CUBN: variants seen among roughly 807,000 people sequenced by gnomAD.
The protein encoded by CUBN is 460 kDa receptor.
CUBN carries 282 observed loss-of-function variants against 405.3 expected under a neutral mutation model. That is an observed-to-expected ratio of 0.70 (90% confidence interval 0.63 to 0.77). The LOEUF (loss-of-function observed/expected upper bound fraction) is 0.77, where lower values mean the gene tolerates loss of function less well. Among genes scored for constraint, CUBN ranks in the 30% least tolerant of loss-of-function variants. CUBN has a pLI of 0.00. For missense variants in CUBN, 4,514 were observed against 4,475.2 expected (o/e 1.01, Z -0.25); for synonymous variants, 1,684 against 1,617.0 (o/e 1.04, Z -0.99).
At chr10:16,828,637 GA>G (rs760778803) in intron 66 of CUBN, among the ~76,000 whole-genome samples, 167 bp downstream of exon 66, 214 of 152,072 alleles carry the variant, frequency 1.4e-3, no homozygotes, top group Non-Finnish European at 2.6e-3. Flanking sequence ...AGAATTGCTT[GA>G]ACCCAGGAGG....
intron 59 of CUBN, among the ~76,000 whole-genome samples, chr10:16,853,691 G>A (rs545626614): frequency 1.1e-3 from 171 of 152,282 alleles, no homozygotes; most frequent in African/African-American, 4.0e-3. Context: ...ATTCTGAAAC[G>A]TAAGCAATAC....
At chr10:16,930,575 TA>T (rs1842334132) in intron 40 of CUBN, among the ~76,000 whole-genome samples, 2 of 152,214 alleles carry the variant, frequency 1.3e-5, no homozygotes, top group Admixed American at 1.3e-4. Flanking sequence ...CTTTTCTATT[TA>T]AAAGTTTTGC....
intron 56 of CUBN, among the ~76,000 whole-genome samples, chr10:16,881,239 G>C (rs565462696): frequency 3.3e-5 from 5 of 152,292 alleles, no homozygotes; most frequent in Non-Finnish European, 7.4e-5. Flanking sequence ...GCATGTGTTA[G>C]GTATTAAAGA....
Position 16,869,739 on chromosome 10 carries a change from G to A in CUBN, c.9351C>T (p.Arg3117=). The change falls in exon 59 of 67, where the codon CGC becomes CGT. Residue 3117 remains arginine (R), a synonymous_variant. Transcript: ENST00000377833. ...PLLGKFCGSK[R]PPNVKSSNNS... is the part of the protein sequence containing the mutation. ...TATTGCTGCTCTTCACATTTGGTGG[G>A]CGCTTGGAACCGCAGAATTTGCCAA... 6.2e-7 allele frequency: 1 copy of A among 1,614,034 alleles called. No homozygotes were observed. The highest frequency in any genetic ancestry group is 8.5e-7 in the Non-Finnish European group (1 of 1,179,980).
intron 6 of CUBN, among the ~76,000 whole-genome samples, chr10:17,116,649 A>T (rs1836907772): frequency 6.6e-6 from 1 of 152,220 alleles, no homozygotes. Flanking sequence ...AGTAATGTTC[A>T]TGGATGACAA....
rs376017190 is a variant in CUBN, at chr10:16,912,975, AT to A, written c.7533+835del. 3.7e-3 allele frequency among the ~76,000 whole-genome samples: 558 copies of A among 152,340 alleles called. 2 individuals are homozygous for A. The highest frequency in any genetic ancestry group is 6.1e-3 in the Non-Finnish European group (414 of 68,028). Reference sequence around the variant, plus strand: ...GGGGGACGAGGTGGAACTTTCTAAAATAATCCAAGTGAACGGTGGGGGTATT... The same window carrying A: ...GGGGGACGAGGTGGAACTTTCTAAAAAATCCAAGTGAACGGTGGGGGTATT... On this transcript the variant is annotated intron_variant, in intron 48 of 66. Coordinates refer to ENST00000377833, the MANE Select transcript of CUBN (RefSeq NM_001081.4).
At position 16,899,315 on chromosome 10, in the gene CUBN, G is replaced by A. The variant is rs553829659; in HGVS notation, c.8411-132C>T. 75 of 748,570 alleles carry A rather than the reference G, an allele frequency of 1.0e-4. No homozygotes were observed. The South Asian group carries it at 1.1e-3, about 11-fold the overall frequency. The allele number at this position is 748,570 out of a possible 1,614,324, so 46.4% of individuals were successfully genotyped here. A position where few individuals can be genotyped will look rare whatever the true frequency, so the allele number is the denominator to read the frequency against. ...ATTTTTTACAAGTGATCATCTTCCA[G>A]TCAGGTGCACAGCAAGCTCTCTCCA... On this transcript the variant is annotated intron_variant, in intron 53 of 66. Coordinates refer to ENST00000377833, the MANE Select transcript of CUBN (RefSeq NM_001081.4).
intron 54 of CUBN, among the ~76,000 whole-genome samples, chr10:16,895,973 T>C (rs1841171022): frequency 6.6e-6 from 1 of 152,182 alleles, no homozygotes; most frequent in Non-Finnish European, 1.5e-5. Flanking sequence ...ATCTTGGGGA[T>C]TCCATTTTGA....
Position 16,922,847 on chromosome 10 carries a change from CT to C in CUBN, c.6646+2393del, listed in dbSNP as rs74700842. On this transcript the variant is annotated intron_variant, in intron 43 of 66. Transcript: ENST00000377833. ...CACTTATTATACCATATACCATGTT[CT>C]TTTTTTTTTTTTTTCCTTTGAGACA... Among the ~76,000 whole-genome samples, 890 of 140,032 alleles carry C rather than the reference CT, an allele frequency of 6.4e-3. 11 individuals carry two copies. The highest frequency in any genetic ancestry group is 0.055 in the East Asian group (265 of 4,834). 91.9% of individuals were successfully genotyped at this position (140,032 alleles called of 152,430 possible).
rs1840288988 is a variant in CUBN at position 16,869,563 on chromosome 10, G to GC, written c.9454+72_9454+73insG. ...AATCATAATCAGGTGGGGGTGGGGG[G>GC]GGGGCGGGGAAATTAAATAAAGCAG... On this transcript the variant is annotated intron_variant, in intron 59 of 66. Coordinates refer to ENST00000377833, the MANE Select transcript of CUBN (RefSeq NM_001081.4). The GC allele has an allele frequency of 8.2e-6, 8 of 979,450 alleles. No individual in the cohort carries two copies. The East Asian group carries it at 2.0e-4, about 25-fold the overall frequency. The allele number at this position is 979,450 out of a possible 1,614,324, so 60.7% of individuals were successfully genotyped here. A position where few individuals can be genotyped will look rare whatever the true frequency, so the allele number is the denominator to read the frequency against.
At chr10:17,127,264 CTTTT>C (rs34414528) in intron 3 of CUBN, among the ~76,000 whole-genome samples, 1 of 82,834 alleles carries the variant, frequency 1.2e-5, no homozygotes, top group African/African-American at 5.4e-5. Flanking sequence ...CTCTCTCTTT[CTTTT>C]TTTTTTTTTT....
chr10:16,954,935 C>G (rs994380118), intron 31 of CUBN, among the ~76,000 whole-genome samples: 5 of 152,148 alleles, frequency 3.3e-5, no homozygotes, highest in African/African-American at 1.2e-4. Context: ...GAGTGATGAG[C>G]ATTTGTTGTC....
rs149424617 is a variant in CUBN at position 16,882,611 on chromosome 10, G to C, written c.8906-5514C>G. 6.1e-3 allele frequency among the ~76,000 whole-genome samples: 933 copies of C among 152,306 alleles called. 4 individuals are homozygous for C. Among genetic ancestry groups the C allele is most frequent in the African/African-American group, 0.021 (877 of 41,548 alleles). ...TGGACCACAGTTTTTCTCCAAAGTG[G>C]GGGGAGGGCGTGGGCCGAGACACCA... On this transcript the variant is annotated intron_variant, in intron 56 of 66. Transcript: ENST00000377833.
At chr10:16,886,113 A>G (rs1840805820) in intron 56 of CUBN, among the ~76,000 whole-genome samples, 1 of 152,228 alleles carries the variant, frequency 6.6e-6, no homozygotes. Flanking sequence ...CAAATGCTGA[A>G]AAGATGACAC....
chr10:16,899,107 G>T lies in CUBN; in HGVS notation c.8487C>A (p.Ser2829Arg). 6.2e-7 allele frequency: 1 copy of T among 1,613,490 alleles called. No homozygotes were observed. Among genetic ancestry groups the T allele is most frequent in the Non-Finnish European group, 8.5e-7 (1 of 1,179,414 alleles). The change falls in exon 54 of 67, where the codon AGC becomes AGA. Residue 2829 changes from serine to arginine, a missense_variant. This residue lies in a region of CUBN where 1,186 missense variants were observed against 1,186.9 expected (regional missense o/e 1.00). Coordinates refer to ENST00000377833, the MANE Select transcript of CUBN (RefSeq NM_001081.4). ...GAGTAATGGCCGTCCAGGAACATCT[G>T]CTGTTTTCGGGAAAATTCTGAGGCC... ...PHWPQNFPEN[S>R]RCSWTAITHK...
intron 33 of CUBN, among the ~76,000 whole-genome samples, chr10:16,951,714 C>G (rs1055732776): frequency 1.3e-5 from 2 of 152,278 alleles, no homozygotes; most frequent in African/African-American, 4.8e-5. Context: ...AGAAAGTAAG[C>G]GTTTATTCAA....
At chr10:17,000,040 G>A (rs865915260) in intron 28 of CUBN, among the ~76,000 whole-genome samples, 1 of 152,328 alleles carries the variant, frequency 6.6e-6, no homozygotes, top group Middle Eastern at 3.4e-3. Flanking sequence ...ATCCCATGCT[G>A]CAGGCCCCTC....
rs188897579 is a variant in CUBN at position 17,121,605 on chromosome 10, G to C, written c.593+1190C>G. 7.1e-3 allele frequency among the ~76,000 whole-genome samples: 1,071 copies of C among 151,192 alleles called. 10 individuals carry two copies. Among genetic ancestry groups the C allele is most frequent in the Middle Eastern group, 0.021 (6 of 292 alleles). On this transcript the variant is annotated intron_variant, in intron 6 of 66. Coordinates refer to ENST00000377833, the MANE Select transcript of CUBN (RefSeq NM_001081.4). Reference sequence around the variant, plus strand: ...AGATATACCTAATGCTAAATGACGAGTTAATGGATGCAGCACACCAACATG... The same window carrying C: ...AGATATACCTAATGCTAAATGACGACTTAATGGATGCAGCACACCAACATG...
rs533699649 is a variant in CUBN at position 17,042,330 on chromosome 10, G to C, written c.3830-1110C>G. Reference sequence around the variant, plus strand: ...AGGCATCACGTGCCTCGATGACTAGGGGCAACACAGGGCCCAGGAAAATAC... The same window carrying C: ...AGGCATCACGTGCCTCGATGACTAGCGGCAACACAGGGCCCAGGAAAATAC... On this transcript the variant is annotated intron_variant, in intron 26 of 66. Transcript: ENST00000377833. Among the ~76,000 whole-genome samples the C allele has an allele frequency of 1.8e-4, 28 of 152,212 alleles. No individual in the cohort carries two copies. In the South Asian group the frequency reaches 2.9e-3, roughly 16 times the overall value.
Sources: allele counts gnomAD v4.1 joint callset (sites outside exome capture counted in the v4.1 genomes callset), GRCh38; gene constraint gnomAD v4.1.1; regional missense constraint gnomAD v4.1.1; transcripts MANE v1.5; gene names NCBI Gene and HGNC (gene_info 2026-07-23, HGNC 2026-07-21).